The following LRRC38 variants were observed in gnomAD, a reference collection of about 807,000 sequenced individuals.
LRRC38 encodes leucine-rich repeat-containing protein 38.
In LRRC38, 5 loss-of-function variants were observed where a neutral mutation model predicts 16.4. The observed-to-expected ratio is 0.31, with a 90% CI of 0.16 to 0.64. The LOEUF is 0.64. Ranked by LOEUF, LRRC38 falls within the 30% of genes least tolerant of loss-of-function variation. LRRC38 has a pLI of 0.80. For synonymous variants in LRRC38, 191 were observed against 190.2 expected (o/e 1.00, Z -0.04); for missense variants, 341 against 401.8 (o/e 0.85, Z 1.29).
chr1:13,476,773 G>A (rs1638793764), intron 1 of LRRC38, among the ~76,000 whole-genome samples: 1 of 152,158 alleles, frequency 6.6e-6, no homozygotes, highest in Non-Finnish European at 1.5e-5. Flanking sequence ...GCAGTGGGAT[G>A]GGTCAGTGCC....
At chr1:13,482,582 A>G (rs200035829) in intron 1 of LRRC38, among the ~76,000 whole-genome samples, 4 of 45,462 alleles carry the variant, frequency 8.8e-5, no homozygotes, top group Non-Finnish European at 1.4e-4. Context: ...TCCATCTCGG[A>G]AAAAAAAAAA....
intron 1 of LRRC38, among the ~76,000 whole-genome samples, chr1:13,504,134 A>G (rs146369971): frequency 6.2e-4 from 94 of 152,360 alleles, no homozygotes; most frequent in African/African-American, 2.1e-3. Context: ...AGACAAAATA[A>G]TAACAGCTTC....
intron 1 of LRRC38, among the ~76,000 whole-genome samples, chr1:13,506,008 C>A (rs1310309580): frequency 2.0e-5 from 3 of 152,094 alleles, no homozygotes; most frequent in Non-Finnish European, 4.4e-5. Flanking sequence ...TCCAAATATG[C>A]CCTGTGTTGT....
chr1:13,484,933 C>T (rs1638912492), intron 1 of LRRC38, among the ~76,000 whole-genome samples: 2 of 152,196 alleles, frequency 1.3e-5, no homozygotes. Context: ...ATCAGGTGGT[C>T]TCACCCTAGT....
chr1:13,511,979 G>A (rs540691574), intron 1 of LRRC38, among the ~76,000 whole-genome samples: 3 of 152,324 alleles, frequency 2.0e-5, no homozygotes, highest in Admixed American at 2.0e-4. Context: ...AGCTAAATCT[G>A]CATGTATGTC....
At chr1:13,488,474 G>A (rs895848254) in intron 1 of LRRC38, among the ~76,000 whole-genome samples, 68 of 152,094 alleles carry the variant, frequency 4.5e-4, no homozygotes, top group African/African-American at 1.6e-3. Context: ...GTTTCACCAT[G>A]TTGGCCAGGC....
At chr1:13,499,335 G>C (rs1290651068) in intron 1 of LRRC38, among the ~76,000 whole-genome samples, 2 of 152,186 alleles carry the variant, frequency 1.3e-5, no homozygotes, top group Non-Finnish European at 2.9e-5. Context: ...CTGACCTCAA[G>C]TGATCCACCC....
chr1:13,482,364 T>C (rs78659908), intron 1 of LRRC38, among the ~76,000 whole-genome samples: 147,868 of 152,116 alleles, frequency 0.97, 71,879 homozygotes, highest in African/African-American at 0.99. Context: ...ATCGCCTGAA[T>C]GCAGGAGTTC....
intron 1 of LRRC38, among the ~76,000 whole-genome samples, chr1:13,504,755 AGGGGAGGGGAAGGG>A (rs1639190286): frequency 5.7e-4 from 17 of 29,722 alleles, no homozygotes; most frequent in East Asian, 1.7e-3. Context: ...AGGGGAGGGG[AGGGGAGGGGAAGGG>A]AGGGAAGGGG....
At chr1:13,499,923 G>A (rs565421308) in intron 1 of LRRC38, among the ~76,000 whole-genome samples, 2 of 152,250 alleles carry the variant, frequency 1.3e-5, no homozygotes, top group South Asian at 2.1e-4. Flanking sequence ...TGTACAGGGC[G>A]AACCTGCCTC....
intron 1 of LRRC38, among the ~76,000 whole-genome samples, chr1:13,507,856 A>G (rs1418434333): frequency 2.0e-5 from 3 of 150,960 alleles, no homozygotes; most frequent in Admixed American, 1.3e-4. Flanking sequence ...AACAAAAACA[A>G]TGGGAAAGGT....
intron 1 of LRRC38, among the ~76,000 whole-genome samples, chr1:13,482,989 T>C (rs1034315031): frequency 2.6e-5 from 4 of 152,106 alleles, no homozygotes; most frequent in Non-Finnish European, 5.9e-5. Flanking sequence ...AGCAGGGAAA[T>C]GCCAGAGCTG....
At chr1:13,490,267 T>C (rs574610258) in intron 1 of LRRC38, among the ~76,000 whole-genome samples, 1 of 152,238 alleles carries the variant, frequency 6.6e-6, no homozygotes, top group Admixed American at 6.5e-5. Flanking sequence ...CAAGCGATTC[T>C]CCTGCCTCAG....
At chr1:13,498,472 A>T (rs1419981296) in intron 1 of LRRC38, among the ~76,000 whole-genome samples, 8 of 152,032 alleles carry the variant, frequency 5.3e-5, no homozygotes, top group African/African-American at 1.9e-4. Context: ...CTCTACTAAA[A>T]ATACAAAAAT....
At chr1:13,476,495 A>G (rs1638791291) in intron 1 of LRRC38, among the ~76,000 whole-genome samples, 1 of 151,976 alleles carries the variant, frequency 6.6e-6, no homozygotes, top group Non-Finnish European at 1.5e-5. Context: ...CACCTGACTA[A>G]TTTTAGTATT....
chr1:13,488,573 C>T (rs1280957706), intron 1 of LRRC38, among the ~76,000 whole-genome samples: 7 of 152,118 alleles, frequency 4.6e-5, no homozygotes, highest in Non-Finnish European at 7.3e-5. Context: ...ACTGGCTGAA[C>T]ACATTCTTAA....
intron 1 of LRRC38, among the ~76,000 whole-genome samples, chr1:13,478,448 G>C (rs1638812877): frequency 6.6e-6 from 1 of 152,198 alleles, no homozygotes; most frequent in Non-Finnish European, 1.5e-5. Context: ...ATTTGGCTAT[G>C]GAAGCTTACT....
At chr1:13,492,876 A>G (rs1639031961) in intron 1 of LRRC38, among the ~76,000 whole-genome samples, 1 of 152,072 alleles carries the variant, frequency 6.6e-6, no homozygotes, top group Admixed American at 6.6e-5. Flanking sequence ...ATTATAAAAG[A>G]TGTGACGCAT....
intron 1 of LRRC38, among the ~76,000 whole-genome samples, chr1:13,507,808 G>A (rs1031462382): frequency 1.3e-5 from 2 of 152,016 alleles, no homozygotes; most frequent in African/African-American, 4.8e-5. Flanking sequence ...CTCCAGCCTG[G>A]GTGACAGACC....
Sources: gnomAD v4.1 joint callset for allele counts (sites outside exome capture counted in the v4.1 genomes callset) on GRCh38, gnomAD v4.1.1 for gene constraint, MANE v1.5 for transcripts, NCBI Gene and HGNC (gene_info 2026-07-23, HGNC 2026-07-21) for gene names.